COG5: variants seen among roughly 807,000 people sequenced by gnomAD.
COG5 encodes the protein conserved oligomeric Golgi complex subunit 5.
A neutral mutation model predicts 110.4 loss-of-function variants in COG5; 86 were observed. The observed-to-expected ratio is 0.78, with a 90% CI of 0.65 to 0.93. The LOEUF (loss-of-function observed/expected upper bound fraction) is 0.93. Among genes scored for constraint, COG5 ranks in the 40% least tolerant of loss-of-function variants. COG5 has a pLI of 0.00. For missense variants in COG5, 1,077 were observed against 987.0 expected, an observed-to-expected ratio of 1.09 and a Z score of -1.22; for synonymous variants, 360 against 334.6, an observed-to-expected ratio of 1.08 and a Z score of -0.83.
At chr7:107,340,876 C>T (rs1170110551) in intron 10 of COG5, among the ~76,000 whole-genome samples, 1 of 151,984 alleles carries the variant, frequency 6.6e-6, no homozygotes, top group Non-Finnish European at 1.5e-5. Context: ...AAGGAACATA[C>T]CTCAAAACAA....
intron 14 of COG5, among the ~76,000 whole-genome samples, chr7:107,275,020 G>A (rs1804586919): frequency 6.6e-6 from 1 of 151,982 alleles, no homozygotes; most frequent in Admixed American, 6.6e-5. Flanking sequence ...TTGGACTACT[G>A]GGCTCAAAGC....
chr7:107,228,694 T>C (rs144144506), intron 19 of COG5, among the ~76,000 whole-genome samples: 234 of 152,090 alleles, frequency 1.5e-3, no homozygotes, highest in African/African-American at 5.4e-3. Flanking sequence ...TCACTTTAAG[T>C]TTTCCTAAAA....
At chr7:107,459,669 AC>A (rs1033462373) in intron 6 of COG5, among the ~76,000 whole-genome samples, 5 of 151,748 alleles carry the variant, frequency 3.3e-5, no homozygotes, top group Admixed American at 6.6e-5. Flanking sequence ...TGTGGTACAC[AC>A]CTGTGGTCCC....
chr7:107,326,947 G>A (rs974876547), intron 10 of COG5, among the ~76,000 whole-genome samples: 6 of 152,070 alleles, frequency 3.9e-5, no homozygotes, highest in East Asian at 1.9e-4. Flanking sequence ...AGGATGAGGT[G>A]GGAGAATTGC....
chr7:107,350,750 C>G (rs1400366772), intron 10 of COG5, among the ~76,000 whole-genome samples: 1 of 152,148 alleles, frequency 6.6e-6, no homozygotes, highest in African/African-American at 2.4e-5. Flanking sequence ...ATGTTAGCCA[C>G]TACCCTGGGT....
chr7:107,371,581 G>A (rs1237482908), intron 8 of COG5, among the ~76,000 whole-genome samples: 1 of 152,164 alleles, frequency 6.6e-6, no homozygotes, highest in Non-Finnish European at 1.5e-5. Flanking sequence ...ACAGAAAAAT[G>A]GGAGGAGAAA....
At chr7:107,290,258 C>A (rs1379185523) in intron 12 of COG5, among the ~76,000 whole-genome samples, 1 of 151,674 alleles carries the variant, frequency 6.6e-6, no homozygotes, top group East Asian at 2.0e-4. Flanking sequence ...TCCCTTCCTG[C>A]CCACTCTTTC....
At chr7:107,248,524 AAAG>A (rs1327827773) in intron 16 of COG5, 25 bp from the exon 17 acceptor site, 9 of 1,495,220 alleles carry the variant, frequency 6.0e-6, no homozygotes, top group Non-Finnish European at 7.4e-6. Flanking sequence ...GAAAGAAAAA[AAAG>A]AAGAGGCAAG....
intron 6 of COG5, among the ~76,000 whole-genome samples, chr7:107,424,563 A>G (rs905572528): frequency 6.6e-6 from 1 of 151,326 alleles, no homozygotes; most frequent in African/African-American, 2.4e-5. Context: ...AAACAGAGCT[A>G]TGGGGTTTAT....
chr7:107,424,708 C>T lies in COG5; in HGVS notation c.539-12076G>A, dbSNP rs565086967. On this transcript the variant is annotated intron_variant, in intron 6 of 21. Transcript: ENST00000297135. ...AAGACGGAAACAGATATTAATTCTA[C>T]ATTTACATTATACCTTTTTTGACAG... Among the ~76,000 whole-genome samples, 6 of 152,240 alleles carry T rather than the reference C, an allele frequency of 3.9e-5. No individual in the cohort carries two copies. The East Asian group carries it at 7.7e-4, about 20-fold the overall frequency.
At chr7:107,236,378 A>T in intron 18 of COG5, 72 bp downstream of exon 18, 1 of 1,110,480 alleles carries the variant, frequency 9.0e-7, no homozygotes, top group Non-Finnish European at 1.4e-6. Context: ...ACCGATGAAA[A>T]CACATTCTTT....
chr7:107,372,496 G>T, intron 8 of COG5, 99 bp downstream of exon 8: 1 of 1,121,576 alleles, frequency 8.9e-7, no homozygotes, highest in Non-Finnish European at 1.3e-6. Context: ...TAAAAAATGA[G>T]TCATTAGATT....
chr7:107,527,868 T>C (rs192247917), intron 5 of COG5, among the ~76,000 whole-genome samples: 141 of 152,262 alleles, frequency 9.3e-4, no homozygotes, highest in African/African-American at 3.2e-3. Context: ...GCCACAGCCC[T>C]GACCAATTAA....
At chr7:107,316,576 G>A (rs1274627564) in intron 11 of COG5, among the ~76,000 whole-genome samples, 7 of 151,334 alleles carry the variant, frequency 4.6e-5, no homozygotes, top group African/African-American at 1.7e-4. Flanking sequence ...CACTTTGGGA[G>A]GCCAGGGCGG....
intron 14 of COG5, among the ~76,000 whole-genome samples, chr7:107,272,376 G>C (rs372212979): frequency 6.6e-6 from 1 of 152,134 alleles, no homozygotes; most frequent in Non-Finnish European, 1.5e-5. Flanking sequence ...TGGAACCACT[G>C]TTCATCTTAC....
chr7:107,482,938 G>A (rs535750024), intron 6 of COG5, among the ~76,000 whole-genome samples: 9 of 152,122 alleles, frequency 5.9e-5, no homozygotes, highest in East Asian at 3.9e-4. Flanking sequence ...TAAAACTTCC[G>A]CTAAAACATA....
intron 6 of COG5, among the ~76,000 whole-genome samples, chr7:107,446,942 T>C (rs1173057169): frequency 4.6e-5 from 7 of 152,218 alleles, no homozygotes; most frequent in African/African-American, 1.4e-4. Context: ...TTCTGTAGGT[T>C]AGAAGTCCAG....
In COG5 at chr7:107,515,615, C is replaced by T. The variant is rs189333958; in HGVS notation, c.538+11622G>A. Among the ~76,000 whole-genome samples, 283 of 152,236 alleles carry T rather than the reference C, an allele frequency of 1.9e-3. 1 individual carries two copies. The highest frequency in any genetic ancestry group is 6.6e-3 in the African/African-American group (274 of 41,540). ...TTCCCCTCAAAAGCAGAGTATCCAT[C>T]GATGGGAGGTGGAGAGGAGAATGAT... On this transcript the variant is annotated intron_variant, in intron 6 of 21. Transcript: ENST00000297135.
At chr7:107,333,841 T>C (rs1810473992) in intron 10 of COG5, among the ~76,000 whole-genome samples, 1 of 152,164 alleles carries the variant, frequency 6.6e-6, no homozygotes, top group Non-Finnish European at 1.5e-5. Context: ...TAAAAGTTCC[T>C]CTTTAAACCC....
Sources: allele counts gnomAD v4.1 joint callset (sites outside exome capture counted in the v4.1 genomes callset), GRCh38; gene constraint gnomAD v4.1.1; transcripts MANE v1.5; gene names NCBI Gene and HGNC (gene_info 2026-07-23, HGNC 2026-07-21).